The following PDZD9 variants were observed in gnomAD, a reference collection of about 807,000 sequenced individuals.
The protein encoded by PDZD9 is PDZ domain-containing protein 9.
PDZD9 carries 13 observed loss-of-function variants against 16.3 expected under a neutral mutation model. The observed-to-expected ratio is 0.80, with a 90% CI of 0.52 to 1.27. The LOEUF (loss-of-function observed/expected upper bound fraction) is 1.27, where lower values mean the gene tolerates loss of function less well. Ranked by LOEUF, PDZD9 falls within the 50% of genes most tolerant of loss-of-function variation. The pLI is 0.00. For missense variants in PDZD9, 288 were observed against 310.9 expected, an observed-to-expected ratio of 0.93 and a Z score of 0.55; for synonymous variants, 120 against 111.0, an observed-to-expected ratio of 1.08 and a Z score of -0.51.
downstream of PDZD9, among the ~76,000 whole-genome samples, chr16:21,980,952 C>T (rs1187417724): frequency 6.6e-6 from 1 of 152,108 alleles, no homozygotes; most frequent in Admixed American, 6.5e-5. Context: ...AGAGGGCTGC[C>T]ATCCACTGAG....
At chr16:21,967,862 T>C in the PDZD9 span, among the ~76,000 whole-genome samples, 2 of 152,202 alleles carry the variant, frequency 1.3e-5, no homozygotes, top group Non-Finnish European at 2.9e-5. Flanking sequence ...AGCCCTGTTA[T>C]AGAATGTTAA....
At chr16:21,975,992 A>G in the PDZD9 span, among the ~76,000 whole-genome samples, 1 of 152,182 alleles carries the variant, frequency 6.6e-6, no homozygotes, top group Non-Finnish European at 1.5e-5. Flanking sequence ...CAGCTGCTTT[A>G]TGAACATAGG....
the PDZD9 span, chr16:21,968,528 C>T: frequency 1.9e-6 from 2 of 1,034,944 alleles, no homozygotes; most frequent in African/African-American, 1.6e-5. Flanking sequence ...ACTTATAAGG[C>T]CTTATAAGTA....
At chr16:21,982,723 G>T (rs1296792715), downstream of PDZD9, among the ~76,000 whole-genome samples, 4 of 152,186 alleles carry the variant, frequency 2.6e-5, no homozygotes, top group Admixed American at 6.5e-5. Flanking sequence ...CCAGCACTTT[G>T]GGAGGTTAAG....
the PDZD9 span, among the ~76,000 whole-genome samples, chr16:21,957,960 A>T: frequency 6.6e-6 from 1 of 152,232 alleles, no homozygotes; most frequent in Non-Finnish European, 1.5e-5. Context: ...TCCTCCTGAT[A>T]AGGATACCAG....
At chr16:21,983,004 C>CT (rs1206781126), downstream of PDZD9, 3 of 908,464 alleles carry the variant, frequency 3.3e-6, no homozygotes, top group East Asian at 8.5e-5. Context: ...TCCATAAATT[C>CT]TTGAAATGAC....
chr16:21,964,218 G>T, the PDZD9 span, among the ~76,000 whole-genome samples: 1 of 152,288 alleles, frequency 6.6e-6, no homozygotes, highest in East Asian at 1.9e-4. Flanking sequence ...GAAATAGATA[G>T]AATAGTACAA....
At chr16:21,965,182 A>G in the PDZD9 span, among the ~76,000 whole-genome samples, 1 of 152,242 alleles carries the variant, frequency 6.6e-6, no homozygotes, top group Non-Finnish European at 1.5e-5. Context: ...GGACTCCAGT[A>G]TATAGAAGCT....
Position 21,984,341 on chromosome 16 carries a change from A to C in PDZD9, c.721T>G (p.Ser241Ala). ...ESSSSSTSSTSDAFWLEDCAQ... is the reference protein window; with the variant it reads ...ESSSSSTSSTADAFWLEDCAQ... ...CAATCTTCCAGCCAAAATGCATCTG[A>C]GGTAGAGGAGGTAGAGGAGGAAGAG... The change falls in exon 4 of 4, where the codon TCA becomes GCA. Residue 241 changes from serine to alanine, a missense_variant. Coordinates refer to ENST00000424898, the MANE Select transcript of PDZD9 (RefSeq NM_001363519.1). 3.1e-6 allele frequency: 5 copies of C among 1,613,888 alleles called. No individual in the cohort carries two copies. The highest frequency in any genetic ancestry group is 4.2e-6 in the Non-Finnish European group (5 of 1,179,900).
chr16:21,985,910 C>T (rs1249987940), intron 3 of PDZD9, among the ~76,000 whole-genome samples: 1 of 152,176 alleles, frequency 6.6e-6, no homozygotes, highest in African/African-American at 2.4e-5. Context: ...CCTTCAGACA[C>T]ACCTAGGTCT....
chr16:21,982,520 T>TA (rs1170679073), downstream of PDZD9, among the ~76,000 whole-genome samples: 1 of 152,186 alleles, frequency 6.6e-6, no homozygotes, highest in Non-Finnish European at 1.5e-5. Context: ...GCTACCCTCT[T>TA]ACCAGTGTTG....
At chr16:21,966,170 A>G in the PDZD9 span, among the ~76,000 whole-genome samples, 15 of 151,636 alleles carry the variant, frequency 9.9e-5, no homozygotes, top group African/African-American at 1.7e-4. Context: ...ATATATATAT[A>G]TGTGTGTGTG....
the PDZD9 span, chr16:21,965,363 T>G: frequency 6.3e-7 from 1 of 1,580,278 alleles, no homozygotes; most frequent in Non-Finnish European, 8.7e-7. Flanking sequence ...ATGTTGTCTT[T>G]ACTGAAAGTG....
At chr16:21,975,158 G>A in the PDZD9 span, among the ~76,000 whole-genome samples, 1 of 152,176 alleles carries the variant, frequency 6.6e-6, no homozygotes, top group Non-Finnish European at 1.5e-5. Context: ...AAAGTGGGCA[G>A]GTGAGAAGTA....
chr16:21,996,592 A>G, intron 1 of PDZD9, 91 bp from the exon 2 acceptor site: 2 of 1,196,846 alleles, frequency 1.7e-6, no homozygotes, highest in Non-Finnish European at 2.3e-6. Context: ...TCCCTGGGAC[A>G]GTTATTTAAT....
Position 21,996,385 on chromosome 16 carries a change from A to G in PDZD9, c.148T>C (p.Tyr50His). 1 of 1,536,026 alleles carries G rather than the reference A, an allele frequency of 6.5e-7. No individual in the cohort carries two copies. Among genetic ancestry groups the G allele is most frequent in the Middle Eastern group, 1.7e-4 (1 of 5,988 alleles). The change falls in exon 2 of 4, where the codon TAC becomes CAC. Residue 50 changes from tyrosine (Y) to histidine (H), a missense_variant. Physicochemically the swap from Tyr to His is moderately conservative, Grantham distance 83. Transcript: ENST00000424898. Reference protein sequence around the residue: ...LGLIIIQHGPYLQITHLIRKG... With the variant: ...LGLIIIQHGPHLQITHLIRKG... Reference sequence around the variant, plus strand: ...CTGATGAGGTGGGTGATCTGGAGGTAGGGTCCATGCTGGATGATGATGAGG... The same window carrying G: ...CTGATGAGGTGGGTGATCTGGAGGTGGGGTCCATGCTGGATGATGATGAGG...
chr16:21,964,605 G>T, the PDZD9 span, among the ~76,000 whole-genome samples: 1 of 152,068 alleles, frequency 6.6e-6, no homozygotes, highest in Non-Finnish European at 1.5e-5. Context: ...CTAAAATGCT[G>T]TTCCCAAATG....
At chr16:21,961,656 A>ATATATATT in the PDZD9 span, among the ~76,000 whole-genome samples, 1 of 80,932 alleles carries the variant, frequency 1.2e-5, no homozygotes, top group Non-Finnish European at 2.2e-5. Context: ...ATATATATAT[A>ATATATATT]TATATATATA....
chr16:21,970,910 G>A, the PDZD9 span, among the ~76,000 whole-genome samples: 8 of 152,078 alleles, frequency 5.3e-5, no homozygotes, highest in South Asian at 2.1e-4. Context: ...GTCTATTCAA[G>A]TCTTTGCCCA....
Sources: allele counts gnomAD v4.1 joint callset (sites outside exome capture counted in the v4.1 genomes callset), GRCh38; gene constraint gnomAD v4.1.1; transcripts MANE v1.5; gene names NCBI Gene and HGNC (gene_info 2026-07-23, HGNC 2026-07-21).